Variants in GPHN observed in about 807,000 individuals in gnomAD.
GPHN encodes the protein gephyrin.
In GPHN, 17 loss-of-function variants were observed where a neutral mutation model predicts 95.5. The observed-to-expected ratio is 0.18, with a 90% CI of 0.12 to 0.27. GPHN has a LOEUF of 0.27. Ranked by LOEUF, GPHN falls within the 10% of genes least tolerant of loss-of-function variation. The pLI, the probability that GPHN is intolerant of heterozygous loss-of-function variation, is 1.00. For missense variants in GPHN, 660 were observed against 978.1 expected (o/e 0.67, Z 4.34); for synonymous variants, 320 against 322.5 (o/e 0.99, Z 0.08).
intron 2 of GPHN, among the ~76,000 whole-genome samples, chr14:66,763,330 A>G (rs55708851): frequency 0.29 from 41,113 of 140,934 alleles, 9,251 homozygotes; most frequent in African/African-American, 0.63. Context: ...ATGCTGGTGC[A>G]CTGCACCCAC....
intron 10 of GPHN, among the ~76,000 whole-genome samples, chr14:67,036,501 G>GCACA (rs762967467): frequency 0.072 from 8,526 of 118,090 alleles, 398 homozygotes; most frequent in Non-Finnish European, 0.09. Context: ...ATACATACAT[G>GCACA]CACACACACA....
In GPHN at chr14:66,629,148, C is replaced by CGT. The variant is rs2063653179; in HGVS notation, c.65-51959_65-51958insGT. Among the ~76,000 whole-genome samples, 5 of 112,766 alleles carry CGT rather than the reference C, an allele frequency of 4.4e-5. No individual in the cohort carries two copies. The South Asian group carries it at 7.5e-4, about 17-fold the overall frequency. 74.0% of individuals were successfully genotyped at this position (112,766 alleles called of 152,430 possible). The stretch of plus-strand genomic sequence containing the variant: ...ATGTATATAAATATATATTTATATA[C>CGT]ATATATAAATATGTATATAAATATA... On this transcript the variant is annotated intron_variant, in intron 1 of 22. Coordinates refer to ENST00000478722, the MANE Select transcript of GPHN (RefSeq NM_020806.5).
the GPHN span, chr14:67,201,382 C>T: frequency 2.2e-6 from 1 of 454,304 alleles, no homozygotes; most frequent in Non-Finnish European, 4.4e-6. Flanking sequence ...CATCAGCTCA[C>T]TCCCAGTAGA....
At chr14:66,672,782 A>G (rs1445928018) in intron 1 of GPHN, among the ~76,000 whole-genome samples, 2 of 152,002 alleles carry the variant, frequency 1.3e-5, no homozygotes, top group South Asian at 2.1e-4. Context: ...TTTCACTTTT[A>G]TCTGTAAGTA....
At chr14:67,527,915 G>A in the GPHN span, among the ~76,000 whole-genome samples, 1 of 152,332 alleles carries the variant, frequency 6.6e-6, no homozygotes, top group South Asian at 2.1e-4. Context: ...TGGCTTTGAG[G>A]AGGGGAGGTC....
At chr14:67,394,793 G>A in the GPHN span, among the ~76,000 whole-genome samples, 1 of 152,210 alleles carries the variant, frequency 6.6e-6, no homozygotes, top group Admixed American at 6.5e-5. Flanking sequence ...CTCTGCCCTT[G>A]TGAATGGATT....
At chr14:67,256,635 C>T in the GPHN span, among the ~76,000 whole-genome samples, 20 of 152,028 alleles carry the variant, frequency 1.3e-4, no homozygotes, top group Admixed American at 1.2e-3. Context: ...GCAACCTTAG[C>T]CTCCCAGATT....
intron 5 of GPHN, among the ~76,000 whole-genome samples, chr14:66,897,908 C>G (rs1287400144): frequency 6.6e-6 from 1 of 152,078 alleles, no homozygotes; most frequent in Non-Finnish European, 1.5e-5. Context: ...GAGTGTGTCT[C>G]CACACCTTGC....
the GPHN span, among the ~76,000 whole-genome samples, chr14:67,709,394 A>G: frequency 1.3e-5 from 2 of 152,206 alleles, no homozygotes; most frequent in Non-Finnish European, 2.9e-5. Flanking sequence ...TAACATTTTA[A>G]TCTTGACCAT....
chr14:66,973,664 C>T (rs187229068), intron 9 of GPHN, among the ~76,000 whole-genome samples: 2 of 152,104 alleles, frequency 1.3e-5, no homozygotes, highest in Non-Finnish European at 2.9e-5. Context: ...GAGGCTGAGG[C>T]AGGAGAATCG....
intron 4 of GPHN, among the ~76,000 whole-genome samples, chr14:66,858,161 G>A (rs768575592): frequency 6.6e-6 from 1 of 152,030 alleles, no homozygotes; most frequent in African/African-American, 2.4e-5. Flanking sequence ...GGACGTGGGG[G>A]CACATGACCT....
chr14:67,644,930 G>A, the GPHN span, among the ~76,000 whole-genome samples: 11 of 151,674 alleles, frequency 7.3e-5, no homozygotes, highest in Admixed American at 6.6e-4. Context: ...CCCAGGAGGC[G>A]GACGTTGTAG....
rs772168683 is a variant in GPHN at position 67,180,923 on chromosome 14, A to G, written c.2296A>G (p.Ile766Val). The change falls in exon 23 of 23, where the codon ATT (isoleucine) becomes GTT (valine). Residue 766 changes from isoleucine (I) to valine (V), a missense_variant. Ile to Val is a conservative substitution (Grantham distance 29). This residue lies in a region of GPHN where 48 missense variants were observed against 137.4 expected (regional missense o/e 0.35). Transcript: ENST00000478722. ...AGGCGAGGTGGTGGATGTCATGGTC[A>G]TTGGACGGCTATGATGGTCACCAGC... ...HKGEVVDVMV[I>V]GRL 5 of 1,613,848 alleles carry G rather than the reference A, an allele frequency of 3.1e-6. No homozygotes were observed. The highest frequency in any genetic ancestry group is 1.7e-5 in the Admixed American group (1 of 59,964).
At chr14:67,026,844 GT>G (rs1438264124) in intron 10 of GPHN, among the ~76,000 whole-genome samples, 4 of 152,028 alleles carry the variant, frequency 2.6e-5, no homozygotes, top group Admixed American at 6.6e-5. Flanking sequence ...GGGTTTCACC[GT>G]GTTAGCCAGG....
At chr14:67,674,765 G>A in the GPHN span, 5 of 319,916 alleles carry the variant, frequency 1.6e-5, no homozygotes, top group African/African-American at 6.4e-5. Context: ...GCCGCGCCGG[G>A]GCGATCGGCA....
rs574590618 is a variant in GPHN, at chr14:67,080,905, A to G, written c.1145-8078A>G. On this transcript the variant is annotated intron_variant, in intron 11 of 22. Transcript: ENST00000478722. ...TACTTCACTTGGAATAATGGTCTCCAGTTCCATCCAGTTTGCTGCAAATGC... is the reference window on the plus strand; with the variant it reads ...TACTTCACTTGGAATAATGGTCTCCGGTTCCATCCAGTTTGCTGCAAATGC... Among the ~76,000 whole-genome samples the G allele has an allele frequency of 5.9e-5, 9 of 152,316 alleles. No individual in the cohort carries two copies. In the South Asian group the frequency reaches 1.9e-3, roughly 32 times the overall value.
intron 8 of GPHN, among the ~76,000 whole-genome samples, chr14:66,951,786 A>G (rs1475591746): frequency 6.6e-6 from 1 of 152,194 alleles, no homozygotes; most frequent in Admixed American, 6.5e-5. Context: ...TTATTGTATG[A>G]TAATTTATAG....
chr14:66,557,448 G>A (rs1220446170), intron 1 of GPHN, among the ~76,000 whole-genome samples: 1 of 152,136 alleles, frequency 6.6e-6, no homozygotes, highest in Non-Finnish European at 1.5e-5. Flanking sequence ...GTACTTACAA[G>A]TAGAATGCTT....
At chr14:66,666,134 G>A (rs2065940701) in intron 1 of GPHN, among the ~76,000 whole-genome samples, 1 of 151,800 alleles carries the variant, frequency 6.6e-6, no homozygotes, top group East Asian at 1.9e-4. Context: ...ATAGCCTTAG[G>A]AGATATACCT....
Sources: gnomAD v4.1 joint callset for allele counts (sites outside exome capture counted in the v4.1 genomes callset) on GRCh38, gnomAD v4.1.1 for gene constraint, gnomAD v4.1.1 regional missense constraint, MANE v1.5 for transcripts, NCBI Gene and HGNC (gene_info 2026-07-23, HGNC 2026-07-21) for gene names.